SPRED2: variants seen among roughly 807,000 people sequenced by gnomAD.
SPRED2 encodes the protein sprouty related EVH1 domain containing 2.
In SPRED2, 47 loss-of-function variants were observed where a neutral mutation model predicts 43.0. The observed-to-expected ratio is 1.09, with a 90% confidence interval of 0.87 to 1.40. SPRED2 has a LOEUF of 1.40. SPRED2 is among the 40% of genes most tolerant of loss of function. SPRED2 has a pLI of 0.00. For missense variants in SPRED2, 561 were observed against 586.4 expected, an observed-to-expected ratio of 0.96 and a Z score of 0.45; for synonymous variants, 225 against 225.7, an observed-to-expected ratio of 1.00 and a Z score of 0.03.
chr2:65,401,198 A>G (rs1008122450), intron 1 of SPRED2, among the ~76,000 whole-genome samples: 11 of 149,844 alleles, frequency 7.3e-5, no homozygotes, highest in Non-Finnish European at 1.0e-4. Context: ...CTGGTCTTGA[A>G]CTCCTGACCT....
chr2:65,366,724 GT>G lies in SPRED2; in HGVS notation c.27-21829del, dbSNP rs2104331576. 3 of 1,513,678 alleles carry G rather than the reference GT, an allele frequency of 2.0e-6. No homozygotes were observed. The East Asian group carries it at 7.4e-5, about 37-fold the overall frequency. 93.8% of individuals were successfully genotyped at this position (1,513,678 alleles called of 1,614,324 possible). A position where few individuals can be genotyped will look rare whatever the true frequency, so the allele number is the denominator to read the frequency against. ...GAACCAGCTGGCTGCCTGAGAAGTG[GT>G]TTCCCCCATATATGATTCAGTCTCC... is the stretch of plus-strand genomic sequence containing the variant. On this transcript the variant is annotated intron_variant, in intron 1 of 5. Transcript: ENST00000356388.
chr2:65,385,008 T>C lies in SPRED2; in HGVS notation c.27-40112A>G, dbSNP rs917809013. On this transcript the variant is annotated intron_variant, in intron 1 of 5. Coordinates refer to ENST00000356388, the MANE Select transcript of SPRED2 (RefSeq NM_181784.3). ...TTTTTTTTGAGACGGACTCTTGCTCTGTCACCCAGGCTGGAGTGCAGTGGC... is the reference window on the plus strand; with the variant it reads ...TTTTTTTTGAGACGGACTCTTGCTCCGTCACCCAGGCTGGAGTGCAGTGGC... Among the ~76,000 whole-genome samples, 3 of 147,308 alleles carry C rather than the reference T, an allele frequency of 2.0e-5. No homozygotes were observed. The South Asian group carries it at 6.5e-4, about 32-fold the overall frequency.
intron 2 of SPRED2, among the ~76,000 whole-genome samples, chr2:65,335,144 C>A (rs116190947): frequency 3.3e-5 from 5 of 152,244 alleles, no homozygotes; most frequent in African/African-American, 1.2e-4. Flanking sequence ...TCCCCCGAGG[C>A]TCCAAATTCC....
chr2:65,389,080 A>G (rs1191021519), intron 1 of SPRED2, among the ~76,000 whole-genome samples: 9 of 152,192 alleles, frequency 5.9e-5, no homozygotes. Context: ...CTGAGACCCC[A>G]GCCCTCTTTC....
chr2:65,365,234 A>G lies in SPRED2; in HGVS notation c.27-20338T>C, dbSNP rs1674939837. The stretch of plus-strand genomic sequence containing the variant: ...CATAATTAGCACGTTACAGCATAAC[A>G]GGTGGCTTTCATTTATAGAATGCAA... On this transcript the variant is annotated intron_variant, in intron 1 of 5. Coordinates refer to ENST00000356388, the MANE Select transcript of SPRED2 (RefSeq NM_181784.3). Among the ~76,000 whole-genome samples the G allele has an allele frequency of 5.9e-5, 9 of 152,370 alleles. 1 individual carries two copies. The South Asian group carries it at 1.7e-3, about 28-fold the overall frequency.
At chr2:65,350,907 C>G (rs1674492242) in intron 1 of SPRED2, among the ~76,000 whole-genome samples, 1 of 152,238 alleles carries the variant, frequency 6.6e-6, no homozygotes, top group African/African-American at 2.4e-5. Context: ...GTCCCCAGCC[C>G]TCTCAGGAGC....
At chr2:65,327,598 C>T (rs1389208954) in intron 4 of SPRED2, among the ~76,000 whole-genome samples, 1 of 152,150 alleles carries the variant, frequency 6.6e-6, no homozygotes. Flanking sequence ...TTCTGACACC[C>T]CACCCTGTGT....
In SPRED2 at chr2:65,377,891, T is replaced by C. The variant is rs887822687; in HGVS notation, c.27-32995A>G. The C allele has an allele frequency of 2.9e-5, 10 of 343,226 alleles. No homozygotes were observed. The Admixed American group carries it at 3.0e-4, about 10-fold the overall frequency. 21.3% of individuals were successfully genotyped at this position (343,226 alleles called of 1,614,324 possible). On this transcript the variant is annotated intron_variant, in intron 1 of 5. Coordinates refer to ENST00000356388, the MANE Select transcript of SPRED2 (RefSeq NM_181784.3). ...AGCTGTCCACGGAGCTGACTCATAC[T>C]CTCTTTCCACATGCATCCTGAAGGT...
chr2:65,308,190 G>A, downstream of SPRED2: 1 of 573,772 alleles, frequency 1.7e-6, no homozygotes. Flanking sequence ...CGACCCCAAA[G>A]GCCAGAGAAG....
intron 1 of SPRED2, among the ~76,000 whole-genome samples, chr2:65,407,114 AG>A (rs1676042752): frequency 6.6e-6 from 1 of 151,804 alleles, no homozygotes; most frequent in East Asian, 1.9e-4. Context: ...TTTTTAGTAG[AG>A]ATGGGGTTTC....
intron 1 of SPRED2, among the ~76,000 whole-genome samples, chr2:65,417,759 G>A (rs1244784324): frequency 6.6e-6 from 1 of 152,172 alleles, no homozygotes; most frequent in Non-Finnish European, 1.5e-5. Flanking sequence ...CAAATTATGT[G>A]TAAAAAAGAG....
At chr2:65,382,161 A>G (rs1675387692) in intron 1 of SPRED2, among the ~76,000 whole-genome samples, 1 of 152,158 alleles carries the variant, frequency 6.6e-6, no homozygotes, top group African/African-American at 2.4e-5. Context: ...TGGGCAAAAG[A>G]ACAATTTAAA....
intron 1 of SPRED2, among the ~76,000 whole-genome samples, chr2:65,363,000 G>GT (rs759784526): frequency 3.7e-4 from 25 of 66,940 alleles, no homozygotes; most frequent in South Asian, 3.5e-3. Context: ...TGGTCATCAT[G>GT]TTTTGTTTTT....
At chr2:65,413,735 T>C (rs1676214255) in intron 1 of SPRED2, among the ~76,000 whole-genome samples, 1 of 152,214 alleles carries the variant, frequency 6.6e-6, no homozygotes, top group Non-Finnish European at 1.5e-5. Context: ...TCTGATCCTG[T>C]GTTTCAGTCC....
chr2:65,309,505 CAAAAAAAAAAA>C (rs35507211), downstream of SPRED2, among the ~76,000 whole-genome samples: 22 of 60,014 alleles, frequency 3.7e-4, no homozygotes, highest in African/African-American at 1.6e-3. Context: ...GACCCTGTCT[CAAAAAAAAAAA>C]AAAAAAAAAA....
At chr2:65,325,830 A>G (rs1197663252) in intron 4 of SPRED2, among the ~76,000 whole-genome samples, 2 of 152,198 alleles carry the variant, frequency 1.3e-5, no homozygotes, top group Admixed American at 6.5e-5. Flanking sequence ...TAAAAATACA[A>G]AAATTATCTG....
At chr2:65,370,189 T>C (rs139533679) in intron 1 of SPRED2, among the ~76,000 whole-genome samples, 1 of 152,326 alleles carries the variant, frequency 6.6e-6, no homozygotes, top group Non-Finnish European at 1.5e-5. Context: ...AAGCCTCTGC[T>C]TCCTTACCTG....
At chr2:65,404,445 CTCTCA>C (rs1395068773) in intron 1 of SPRED2, among the ~76,000 whole-genome samples, 2 of 152,170 alleles carry the variant, frequency 1.3e-5, no homozygotes, top group African/African-American at 4.8e-5. Flanking sequence ...TCAAAATCTC[CTCTCA>C]TCTCTTTATT....
At chr2:65,365,850 T>G (rs1674954868) in intron 1 of SPRED2, among the ~76,000 whole-genome samples, 1 of 152,072 alleles carries the variant, frequency 6.6e-6, no homozygotes, top group African/African-American at 2.4e-5. Flanking sequence ...TTGTTTAAAT[T>G]TAGTGGGTGA....
Sources: allele counts gnomAD v4.1 joint callset (sites outside exome capture counted in the v4.1 genomes callset), GRCh38; gene constraint gnomAD v4.1.1; transcripts MANE v1.5; gene names NCBI Gene and HGNC (gene_info 2026-07-23, HGNC 2026-07-21).